The following CACNA2D1 variants were observed in gnomAD, a reference collection of about 807,000 sequenced individuals.
CACNA2D1 encodes the protein calcium voltage-gated channel auxiliary subunit alpha2delta 1.
A neutral mutation model predicts 171.5 loss-of-function variants in CACNA2D1; 53 were observed. The ratio of observed to expected loss-of-function variants is 0.31; its 90% CI spans 0.25 to 0.39. The LOEUF (loss-of-function observed/expected upper bound fraction) is 0.39, where lower values mean the gene tolerates loss of function less well. Ranked by LOEUF, CACNA2D1 falls within the 10% of genes least tolerant of loss-of-function variation. The pLI is 1.00. For synonymous variants in CACNA2D1, 442 were observed against 443.1 expected (o/e 1.00, Z 0.03); for missense variants, 903 against 1,299.8 (o/e 0.69, Z 4.69).
At chr7:82,102,000 G>A (rs1440565933) in intron 6 of CACNA2D1, among the ~76,000 whole-genome samples, 1 of 152,068 alleles carries the variant, frequency 6.6e-6, no homozygotes, top group African/African-American at 2.4e-5. Flanking sequence ...ATTGATCTGT[G>A]GACATGGAAA....
rs551096491 is a variant in CACNA2D1, at chr7:82,118,293, C to A, written c.397-1120G>T. Among the ~76,000 whole-genome samples the A allele has an allele frequency of 6.6e-5, 10 of 152,276 alleles. No homozygotes were observed. In the South Asian group the frequency reaches 2.1e-3, roughly 32 times the overall value. On this transcript the variant is annotated intron_variant, in intron 5 of 38. Coordinates refer to ENST00000356860, the MANE Select transcript of CACNA2D1 (RefSeq NM_000722.4). ...TCATTTATCCAAAATGCATCTATAA[C>A]ATTTTTTGATATTTGTGTTAAACTT...
At chr7:82,175,154 T>C (rs1796428559) in intron 3 of CACNA2D1, among the ~76,000 whole-genome samples, 1 of 151,986 alleles carries the variant, frequency 6.6e-6, no homozygotes, top group Admixed American at 6.6e-5. Flanking sequence ...TCTGAAATTA[T>C]GAGAAATTTT....
intron 1 of CACNA2D1, among the ~76,000 whole-genome samples, chr7:82,437,890 A>T (rs550881918): frequency 6.6e-6 from 1 of 152,290 alleles, no homozygotes; most frequent in Non-Finnish European, 1.5e-5. Flanking sequence ...CTAAAATATC[A>T]CACCACCAAA....
chr7:82,212,868 G>A (rs560588254), intron 3 of CACNA2D1, among the ~76,000 whole-genome samples: 6 of 151,994 alleles, frequency 3.9e-5, no homozygotes, highest in African/African-American at 1.4e-4. Flanking sequence ...TGGTGGATTT[G>A]GGAAGACAAG....
At chr7:82,417,569 T>C (rs1828297565) in intron 1 of CACNA2D1, among the ~76,000 whole-genome samples, 1 of 152,202 alleles carries the variant, frequency 6.6e-6, no homozygotes, top group Admixed American at 6.5e-5. Flanking sequence ...GAAACATGTA[T>C]CATGGGTCAA....
rs1486149814 is a variant in CACNA2D1, at chr7:82,411,037, T to C, written c.95+32328A>G. Reference sequence around the variant, plus strand: ...AAATGTTTATTCCTTTAATACTTTATATATTCTTTGAGAGAAGCAAGAGTT... The same window carrying C: ...AAATGTTTATTCCTTTAATACTTTACATATTCTTTGAGAGAAGCAAGAGTT... On this transcript the variant is annotated intron_variant, in intron 1 of 38. Coordinates refer to ENST00000356860, the MANE Select transcript of CACNA2D1 (RefSeq NM_000722.4). Among the ~76,000 whole-genome samples the C allele has an allele frequency of 1.3e-3, 203 of 152,366 alleles. 3 individuals carry two copies. Among genetic ancestry groups the C allele is most frequent in the Admixed American group, 0.013 (202 of 15,308 alleles).
At chr7:82,013,767 C>A (rs1304386462) in intron 13 of CACNA2D1, among the ~76,000 whole-genome samples, 1 of 151,650 alleles carries the variant, frequency 6.6e-6, no homozygotes, top group Non-Finnish European at 1.5e-5. Context: ...GAATAGGAAA[C>A]ATGGTATCAT....
chr7:82,316,419 C>T (rs1403990992), intron 3 of CACNA2D1, among the ~76,000 whole-genome samples: 5 of 151,488 alleles, frequency 3.3e-5, no homozygotes, highest in East Asian at 1.9e-4. Flanking sequence ...ATATTTTTAC[C>T]CTTGCCAGTT....
At chr7:82,390,942 G>C (rs767384466) in intron 1 of CACNA2D1, among the ~76,000 whole-genome samples, 14 of 151,956 alleles carry the variant, frequency 9.2e-5, no homozygotes, top group Non-Finnish European at 1.9e-4. Flanking sequence ...ATGCTATCTT[G>C]ACATTCACCT....
At chr7:82,436,411 T>C (rs1183825040) in intron 1 of CACNA2D1, among the ~76,000 whole-genome samples, 2 of 152,196 alleles carry the variant, frequency 1.3e-5, no homozygotes, top group Admixed American at 1.3e-4. Context: ...TACTAGTGTT[T>C]CTTATCCAAT....
At chr7:82,017,977 A>G (rs1800710229) in intron 12 of CACNA2D1, among the ~76,000 whole-genome samples, 1 of 152,186 alleles carries the variant, frequency 6.6e-6, no homozygotes, top group Non-Finnish European at 1.5e-5. Context: ...CACTAGGTTC[A>G]TATAACAAAT....
At chr7:82,441,362 C>T (rs566396644) in intron 1 of CACNA2D1, among the ~76,000 whole-genome samples, 1 of 151,886 alleles carries the variant, frequency 6.6e-6, no homozygotes, top group Non-Finnish European at 1.5e-5. Flanking sequence ...TCCACAAAAC[C>T]TTTTATTAAG....
chr7:82,002,203 C>T (rs1235919830), intron 18 of CACNA2D1, among the ~76,000 whole-genome samples: 1 of 151,918 alleles, frequency 6.6e-6, no homozygotes, highest in Non-Finnish European at 1.5e-5. Context: ...TTGGTGGGTC[C>T]CTCATGAATG....
chr7:82,256,754 A>G (rs1806358039), intron 3 of CACNA2D1, among the ~76,000 whole-genome samples: 2 of 152,222 alleles, frequency 1.3e-5, no homozygotes, highest in Admixed American at 6.5e-5. Context: ...AGAAGATGCT[A>G]TCATATTCTG....
chr7:82,351,936 G>A (rs1476047099), intron 1 of CACNA2D1, among the ~76,000 whole-genome samples: 6 of 151,976 alleles, frequency 3.9e-5, no homozygotes, highest in Non-Finnish European at 8.8e-5. Context: ...AATAAGACAC[G>A]TTATACATCC....
At chr7:81,957,030 T>TA (rs766595701) in intron 38 of CACNA2D1, among the ~76,000 whole-genome samples, 2 of 152,024 alleles carry the variant, frequency 1.3e-5, no homozygotes, top group Non-Finnish European at 2.9e-5. Context: ...ATTTTGAGAG[T>TA]AAAAAATCTA....
intron 10 of CACNA2D1, among the ~76,000 whole-genome samples, chr7:82,055,861 T>C (rs150665593): frequency 0.074 from 10,948 of 147,668 alleles, 590 homozygotes; most frequent in Middle Eastern, 0.16. Context: ...CATGTATACA[T>C]ATGTAACAAA....
At chr7:82,230,989 C>T (rs1802869654) in intron 3 of CACNA2D1, among the ~76,000 whole-genome samples, 1 of 152,152 alleles carries the variant, frequency 6.6e-6, no homozygotes, top group Admixed American at 6.5e-5. Flanking sequence ...AAGGGTTTGG[C>T]TCAATGTTTG....
intron 4 of CACNA2D1, among the ~76,000 whole-genome samples, chr7:82,157,308 A>G (rs1489607239): frequency 6.6e-6 from 1 of 152,126 alleles, no homozygotes; most frequent in Non-Finnish European, 1.5e-5. Flanking sequence ...CTAAATTTCT[A>G]CAACGTTCTC....
Sources: allele counts gnomAD v4.1 joint callset (sites outside exome capture counted in the v4.1 genomes callset), GRCh38; gene constraint gnomAD v4.1.1; transcripts MANE v1.5; gene names NCBI Gene and HGNC (gene_info 2026-07-23, HGNC 2026-07-21).